Variants in PCDHA8 observed in about 807,000 individuals in gnomAD.
The protein encoded by PCDHA8 is protocadherin alpha-8.
A neutral mutation model predicts 61.8 loss-of-function variants in PCDHA8; 53 were observed. That is an observed-to-expected ratio of 0.86 (90% CI 0.69 to 1.08). PCDHA8 has a LOEUF of 1.08. Ranked by LOEUF, PCDHA8 falls within the 50% of genes least tolerant of loss-of-function variation. PCDHA8 has a pLI of 0.00. For synonymous variants in PCDHA8, 618 were observed against 556.6 expected, an observed-to-expected ratio of 1.11 and a Z score of -1.55; for missense variants, 1,293 against 1,245.0, an observed-to-expected ratio of 1.04 and a Z score of -0.58.
Position 140,842,822 on chromosome 5 carries a change from G to T in PCDHA8, c.1501G>T (p.Glu501Ter), listed in dbSNP as rs2150345251. 1 of 1,593,810 alleles carries T rather than the reference G, an allele frequency of 6.3e-7. No homozygotes were observed. Residue 501 changes from glutamate (E) to a stop codon, truncating the protein, a stop_gained, in exon 1 of 4, where the codon GAG becomes TAG. Transcript: ENST00000531613. LOFTEE classifies it high-confidence loss of function. ...CTCGCTTGTGGAGCGGCGGGTGGGC[G>T]AGCGCTCGCTGTCGAGCTACATTTC... ...SYSLVERRVG[E>*]RSLSSYISVH...
intron 1 of PCDHA8, among the ~76,000 whole-genome samples, chr5:140,972,784 C>T (rs2096555970): frequency 1.3e-5 from 2 of 151,762 alleles, no homozygotes; most frequent in South Asian, 4.2e-4. Context: ...CTGCCTCAGC[C>T]TCCTGAGTAG....
intron 1 of PCDHA8, among the ~76,000 whole-genome samples, chr5:140,873,040 T>C (rs2153278087): frequency 6.6e-6 from 1 of 152,312 alleles, no homozygotes; most frequent in South Asian, 2.1e-4. Flanking sequence ...CGTAGAGTGG[T>C]GGTATTACAG....
At chr5:140,922,190 T>C (rs1486044845) in intron 1 of PCDHA8, among the ~76,000 whole-genome samples, 2 of 152,154 alleles carry the variant, frequency 1.3e-5, no homozygotes, top group African/African-American at 4.8e-5. Flanking sequence ...AAAAAAGTCT[T>C]ATCTTTAATG....
chr5:140,848,469 T>G, intron 1 of PCDHA8: 9 of 1,548,186 alleles, frequency 5.8e-6, no homozygotes, highest in Non-Finnish European at 7.9e-6. Context: ...CAATTTTCAC[T>G]AATTAGAAGA....
At chr5:140,879,939 T>C (rs1554171083) in intron 1 of PCDHA8, among the ~76,000 whole-genome samples, 1 of 152,194 alleles carries the variant, frequency 6.6e-6, no homozygotes. Flanking sequence ...TGTGATTGTA[T>C]TTAGGGCCCA....
At chr5:140,974,165 G>A (rs1298109600) in intron 1 of PCDHA8, among the ~76,000 whole-genome samples, 1 of 152,164 alleles carries the variant, frequency 6.6e-6, no homozygotes, top group Admixed American at 6.5e-5. Flanking sequence ...TTTCTTTCAA[G>A]AATTTTAACT....
At chr5:140,886,405 GT>G (rs2060969795) in intron 1 of PCDHA8, among the ~76,000 whole-genome samples, 1 of 151,966 alleles carries the variant, frequency 6.6e-6, no homozygotes, top group Admixed American at 6.6e-5. Context: ...TCACAAATAT[GT>G]TTTCCTCCTA....
At chr5:140,976,423 T>C (rs1378184646) in intron 1 of PCDHA8, among the ~76,000 whole-genome samples, 22 of 151,886 alleles carry the variant, frequency 1.4e-4, no homozygotes, top group Admixed American at 1.3e-3. Context: ...CGGTGGCAGA[T>C]GCCTGTAATC....
chr5:140,872,246 G>A (rs2053563930), intron 1 of PCDHA8, among the ~76,000 whole-genome samples: 1 of 151,488 alleles, frequency 6.6e-6, no homozygotes, highest in Non-Finnish European at 1.5e-5. Flanking sequence ...TTATTCCTGT[G>A]ATAATACTTG....
At chr5:140,997,098 C>T (rs1328956245) in intron 3 of PCDHA8, among the ~76,000 whole-genome samples, 12 of 152,128 alleles carry the variant, frequency 7.9e-5, no homozygotes, top group Admixed American at 5.2e-4. Context: ...GCAGAGTTCT[C>T]ATGCACTCCT....
chr5:140,861,587 G>C, intron 1 of PCDHA8: 1 of 374,992 alleles, frequency 2.7e-6, no homozygotes, highest in South Asian at 2.4e-5. Flanking sequence ...TCCATGTGGA[G>C]GTGAAAGTGA....
At position 140,916,547 on chromosome 5, in the gene PCDHA8, T is replaced by A. The variant is rs541671578; in HGVS notation, c.2395-62402T>A. On this transcript the variant is annotated intron_variant, in intron 1 of 3. Transcript: ENST00000531613. ...TCCTTCCCACCAAGGCAATGGGTTT[T>A]CTATTTGTCCAGGGTGTGTCTAGAA... Among the ~76,000 whole-genome samples the A allele has an allele frequency of 2.0e-4, 31 of 152,324 alleles. 1 individual carries two copies. Among genetic ancestry groups the A allele is most frequent in the Non-Finnish European group, 3.4e-4 (23 of 68,020 alleles).
chr5:140,879,227 T>C (rs1474080938), intron 1 of PCDHA8, among the ~76,000 whole-genome samples: 5 of 152,126 alleles, frequency 3.3e-5, no homozygotes, highest in Admixed American at 6.5e-5. Flanking sequence ...GAAAAAGACA[T>C]ATACAAGAGG....
intron 1 of PCDHA8, among the ~76,000 whole-genome samples, chr5:140,874,231 G>T (rs1554167098): frequency 6.6e-6 from 1 of 152,124 alleles, no homozygotes; most frequent in African/African-American, 2.4e-5. Flanking sequence ...GGAATGAATG[G>T]CAACAAATTA....
At chr5:140,869,479 A>G (rs781927972) in intron 1 of PCDHA8, 35 of 1,614,086 alleles carry the variant, frequency 2.2e-5, no homozygotes, top group Middle Eastern at 1.6e-4. Context: ...GGTGAAGGAC[A>G]TTAACGACAA....
At chr5:140,910,719 C>T (rs527945930) in intron 1 of PCDHA8, among the ~76,000 whole-genome samples, 44 of 152,216 alleles carry the variant, frequency 2.9e-4, no homozygotes, top group African/African-American at 1.0e-3. Context: ...TCTTTTAATC[C>T]ATATTTCAGC....
At chr5:140,921,695 A>G (rs1190217757) in intron 1 of PCDHA8, among the ~76,000 whole-genome samples, 1 of 152,216 alleles carries the variant, frequency 6.6e-6, no homozygotes, top group Admixed American at 6.5e-5. Context: ...GGCCACCTCA[A>G]TTTTAAACAG....
rs1169981457 is a variant in PCDHA8, at chr5:140,955,139, G to GT, written c.2395-23805dup. ...TTCTGTTCCACTGGTCTACACGTCT[G>GT]TTTTTGTACCAGTACCGTGCTGTTT... On this transcript the variant is annotated intron_variant, in intron 1 of 3. Coordinates refer to ENST00000531613, the MANE Select transcript of PCDHA8 (RefSeq NM_018911.3). Among the ~76,000 whole-genome samples the GT allele has an allele frequency of 2.0e-5, 3 of 152,138 alleles. No homozygotes were observed. The East Asian group carries it at 5.8e-4, about 29-fold the overall frequency.
At chr5:140,968,044 A>C (rs959631573) in intron 1 of PCDHA8, 2 of 1,614,142 alleles carry the variant, frequency 1.2e-6, no homozygotes, top group Non-Finnish European at 1.7e-6. Context: ...TGAGCGGCCC[A>C]CTGGACCGAG....
Sources: allele counts gnomAD v4.1 joint callset (sites outside exome capture counted in the v4.1 genomes callset), GRCh38; gene constraint gnomAD v4.1.1; transcripts MANE v1.5; gene names NCBI Gene and HGNC (gene_info 2026-07-23, HGNC 2026-07-21).